Variants in PARP11 observed in about 807,000 individuals in gnomAD.
PARP11 encodes the protein poly(ADP-ribose) polymerase family member 11.
A neutral mutation model predicts 42.9 loss-of-function variants in PARP11; 31 were observed. The observed-to-expected ratio is 0.72, with a 90% CI of 0.54 to 0.98. The LOEUF is 0.98. PARP11 is among the 50% of genes least tolerant of loss of function. The probability of loss-of-function intolerance (pLI) is 0.00; values close to 1 mark genes in which losing one functional copy is unlikely to be tolerated. For synonymous variants in PARP11, 137 were observed against 127.3 expected (o/e 1.08, Z -0.51); for missense variants, 365 against 413.1 (o/e 0.88, Z 1.01).
At chr12:3,817,998 C>G (rs1227808234) in intron 6 of PARP11, among the ~76,000 whole-genome samples, 1 of 152,102 alleles carries the variant, frequency 6.6e-6, no homozygotes, top group African/African-American at 2.4e-5. Context: ...TAACAAGATG[C>G]TCTTATTTCC....
At chr12:3,851,014 G>C (rs1035466072) in intron 1 of PARP11, among the ~76,000 whole-genome samples, 4 of 152,208 alleles carry the variant, frequency 2.6e-5, no homozygotes, top group Non-Finnish European at 5.9e-5. Flanking sequence ...GAGAATCCAT[G>C]CCACTTAATA....
At chr12:3,819,654 T>C (rs1389684090) in intron 6 of PARP11, among the ~76,000 whole-genome samples, 1 of 152,178 alleles carries the variant, frequency 6.6e-6, no homozygotes, top group East Asian at 1.9e-4. Flanking sequence ...TTGCTTAAAG[T>C]TCTACAATGG....
chr12:3,818,751 T>C (rs774273774), intron 6 of PARP11, among the ~76,000 whole-genome samples: 3 of 152,234 alleles, frequency 2.0e-5, no homozygotes, highest in South Asian at 4.1e-4. Flanking sequence ...TTTATCTTAC[T>C]TGACATCTTT....
intron 1 of PARP11, among the ~76,000 whole-genome samples, chr12:3,862,862 T>G (rs1342826307): frequency 6.6e-6 from 1 of 152,204 alleles, no homozygotes; most frequent in Non-Finnish European, 1.5e-5. Flanking sequence ...AGGTAGCATT[T>G]GCTCTCCAAA....
At chr12:3,819,086 T>C (rs1365730281) in intron 6 of PARP11, among the ~76,000 whole-genome samples, 1 of 152,226 alleles carries the variant, frequency 6.6e-6, no homozygotes, top group East Asian at 1.9e-4. Context: ...TATCAACTAA[T>C]ACTCCCTTTC....
chr12:3,873,181 T>G (rs978374495), intron 1 of PARP11, 31 bp downstream of exon 1: 36 of 1,135,870 alleles, frequency 3.2e-5, no homozygotes, highest in South Asian at 4.0e-5. Flanking sequence ...CCCCGCCCCC[T>G]GGGCCCGCCC....
chr12:3,871,740 G>C (rs1032353182), intron 1 of PARP11: 1 of 152,138 alleles, frequency 6.6e-6, no homozygotes, highest in Non-Finnish European at 1.5e-5. Flanking sequence ...AATACTCTTG[G>C]CAAATAGATC....
At position 3,829,905 on chromosome 12, in the gene PARP11, C is replaced by A; in HGVS notation, c.132G>T (p.Lys44Asn). The A allele has an allele frequency of 6.2e-7, 1 of 1,613,994 alleles. No homozygotes were observed. Among genetic ancestry groups the A allele is most frequent in the Non-Finnish European group, 8.5e-7 (1 of 1,179,892 alleles). Residue 44 changes from lysine to asparagine, a missense_variant, in exon 2 of 8, where the codon AAG becomes AAT. Coordinates refer to ENST00000228820, the MANE Select transcript of PARP11 (RefSeq NM_020367.6). ...AAGGAGGTACCTGAAACATGTGCCACTTCCCACATTCTGCCAAGTAAAACC... is the reference window on the plus strand; with the variant it reads ...AAGGAGGTACCTGAAACATGTGCCAATTCCCACATTCTGCCAAGTAAAACC... ...WGWFYLAECG[K>N]WHMFQPDTNS... is the part of the protein sequence containing the mutation.
intron 4 of PARP11, among the ~76,000 whole-genome samples, chr12:3,823,269 C>A (rs1375634243): frequency 6.6e-6 from 1 of 152,188 alleles, no homozygotes; most frequent in Non-Finnish European, 1.5e-5. Flanking sequence ...CCTGGTATGT[C>A]CAAGTCTCAC....
intron 1 of PARP11, among the ~76,000 whole-genome samples, chr12:3,845,294 T>G (rs1947975453): frequency 6.6e-6 from 1 of 152,222 alleles, no homozygotes; most frequent in African/African-American, 2.4e-5. Flanking sequence ...ATGGCAGACC[T>G]AAGCTCAGAC....
chr12:3,814,889 G>T, intron 6 of PARP11: 1 of 262,874 alleles, frequency 3.8e-6, no homozygotes, highest in Non-Finnish European at 7.8e-6. Context: ...AATGTAAAAA[G>T]AATTTTGCAA....
At position 3,812,449 on chromosome 12, in the gene PARP11, A is replaced by G. The variant is rs1348332440; in HGVS notation, c.701-10T>C. The G allele has an allele frequency of 1.0e-5, 16 of 1,588,068 alleles. No homozygotes were observed. Among genetic ancestry groups the G allele is most frequent in the Non-Finnish European group, 1.4e-5 (16 of 1,168,612 alleles). ...CTAGCAAAATAGGTTCCTTAAACAA[A>G]GAGGACCAAGAAAAGCCAAGATTAC... On this transcript the variant is annotated splice_polypyrimidine_tract_variant and intron_variant, in intron 7 of 7. Transcript: ENST00000228820.
chr12:3,862,529 AT>A (rs1463791565), intron 1 of PARP11, among the ~76,000 whole-genome samples: 2 of 151,164 alleles, frequency 1.3e-5, no homozygotes, highest in African/African-American at 4.9e-5. Flanking sequence ...ATTTAGGTCT[AT>A]GATCCATTTT....
chr12:3,825,843 C>G (rs182201498), intron 4 of PARP11, among the ~76,000 whole-genome samples: 1 of 152,272 alleles, frequency 6.6e-6, no homozygotes, highest in East Asian at 1.9e-4. Context: ...TCTCCTGACT[C>G]AGCCTCCCGA....
In PARP11 at chr12:3,837,425, T is replaced by C. The variant is rs530788470; in HGVS notation, c.19-7407A>G. ...CAAGATGTGTTTGTAAGTCTTGCGG[T>C]AACCATAATGCAAAAACCTATAATA... On this transcript the variant is annotated intron_variant, in intron 1 of 7. Coordinates refer to ENST00000228820, the MANE Select transcript of PARP11 (RefSeq NM_020367.6). Among the ~76,000 whole-genome samples the C allele has an allele frequency of 3.3e-4, 50 of 152,284 alleles. No individual in the cohort carries two copies. The South Asian group carries it at 3.7e-3, about 11-fold the overall frequency.
chr12:3,812,506 A>G, intron 7 of PARP11, 67 bp from the exon 8 acceptor site: 2 of 1,181,954 alleles, frequency 1.7e-6, no homozygotes, highest in Non-Finnish European at 2.4e-6. Flanking sequence ...AAGCAAAAAC[A>G]TTTTGTCAGG....
In PARP11 at chr12:3,811,915, T is replaced by C. The variant is rs1947185668; in HGVS notation, c.*208A>G. 5 of 529,838 alleles carry C rather than the reference T, an allele frequency of 9.4e-6. No individual in the cohort carries two copies. In the Admixed American group the frequency reaches 1.1e-4, roughly 12 times the overall value. 32.8% of individuals were successfully genotyped at this position (529,838 alleles called of 1,614,324 possible). Reference sequence around the variant, plus strand: ...TTAAAACATCAATGATATCAACTTTTAACAAACAAGACTACAAGAAACAGG... The same window carrying C: ...TTAAAACATCAATGATATCAACTTTCAACAAACAAGACTACAAGAAACAGG... On this transcript the variant is annotated 3_prime_UTR_variant, in exon 8 of 8. Transcript: ENST00000228820.
At position 3,828,630 on chromosome 12, in the gene PARP11, C is replaced by T. The variant is rs118129412; in HGVS notation, c.268+280G>A. ...GATGGGATGAATAAAACAACTGATA[C>T]GGTGTTTTGTGTTCCTTAGAAGACA... On this transcript the variant is annotated intron_variant, in intron 3 of 7. Coordinates refer to ENST00000228820, the MANE Select transcript of PARP11 (RefSeq NM_020367.6). 3.2e-4 allele frequency among the ~76,000 whole-genome samples: 49 copies of T among 151,278 alleles called. No homozygotes were observed. In the East Asian group the frequency reaches 8.2e-3, roughly 25 times the overall value.
intron 1 of PARP11, chr12:3,832,096 C>A: frequency 1.1e-6 from 1 of 944,544 alleles, no homozygotes; most frequent in Non-Finnish European, 1.3e-6. Flanking sequence ...ATGTGTGCTC[C>A]GCTATAAAAC....
Sources: allele counts gnomAD v4.1 joint callset (sites outside exome capture counted in the v4.1 genomes callset), GRCh38; gene constraint gnomAD v4.1.1; transcripts MANE v1.5; gene names NCBI Gene and HGNC (gene_info 2026-07-23, HGNC 2026-07-21).